KIAA1217: variants seen among roughly 807,000 people sequenced by gnomAD.
KIAA1217 encodes the protein KIAA1217, also known as sickle tail protein homolog.
A neutral mutation model predicts 163.9 loss-of-function variants in KIAA1217; 88 were observed. The ratio of observed to expected loss-of-function variants is 0.54; its 90% CI spans 0.45 to 0.64. The LOEUF (loss-of-function observed/expected upper bound fraction) is 0.64, where lower values mean the gene tolerates loss of function less well. Among genes scored for constraint, KIAA1217 ranks in the 30% least tolerant of loss-of-function variants. KIAA1217 has a pLI of 0.00. For missense variants in KIAA1217, 2,372 were observed against 2,475.0 expected, an observed-to-expected ratio of 0.96 and a Z score of 0.88; for synonymous variants, 903 against 923.1, an observed-to-expected ratio of 0.98 and a Z score of 0.39.
upstream of KIAA1217, among the ~76,000 whole-genome samples, chr10:24,204,342 A>G (rs2067430296): frequency 6.6e-6 from 1 of 152,206 alleles, no homozygotes; most frequent in Non-Finnish European, 1.5e-5. Context: ...CGCAGAAGGG[A>G]AAATTCTGTT....
chr10:24,233,572 T>G (rs2071753697), intron 2 of KIAA1217, among the ~76,000 whole-genome samples: 1 of 152,214 alleles, frequency 6.6e-6, no homozygotes, highest in Admixed American at 6.5e-5. Context: ...GTATTGAATT[T>G]GCAAGTAGTT....
upstream of KIAA1217, among the ~76,000 whole-genome samples, chr10:24,207,298 ACAC>A (rs1392682507): frequency 6.6e-6 from 1 of 151,544 alleles, no homozygotes; most frequent in African/African-American, 2.4e-5. Flanking sequence ...ACACACACAC[ACAC>A]ACACACACAC....
In KIAA1217 at chr10:23,915,357, G is replaced by C. The variant is rs61697412; in HGVS notation, c.-320-91868G>C. 8.3e-3 allele frequency among the ~76,000 whole-genome samples: 1,261 copies of C among 152,186 alleles called. 21 individuals are homozygous for C. The highest frequency in any genetic ancestry group is 0.029 in the African/African-American group (1,204 of 41,474). On this transcript the variant is annotated intron_variant, in intron 1 of 18. Coordinates refer to the KIAA1217 transcript ENST00000376462. Reference sequence around the variant, plus strand: ...GAGTTTACCAGTGAGGGAGATGTGGGGGGGAGGGAAGTCGTGGATGTTTCA... The same window carrying C: ...GAGTTTACCAGTGAGGGAGATGTGGCGGGGAGGGAAGTCGTGGATGTTTCA...
intron 1 of KIAA1217, among the ~76,000 whole-genome samples, chr10:23,775,120 G>A (rs1450965047): frequency 6.6e-6 from 1 of 152,180 alleles, no homozygotes; most frequent in Admixed American, 6.5e-5. Flanking sequence ...GCCTCAGGCA[G>A]TGAGTCCATT....
intron 14 of KIAA1217, 95 bp downstream of exon 14, chr10:24,528,214 A>G (rs2072497963): frequency 1.1e-6 from 1 of 946,924 alleles, no homozygotes; most frequent in Middle Eastern, 3.3e-4. Context: ...CAACAGAACC[A>G]ATGTCTCAGT....
At chr10:23,864,484 T>G (rs1840090929) in intron 1 of KIAA1217, among the ~76,000 whole-genome samples, 1 of 150,578 alleles carries the variant, frequency 6.6e-6, no homozygotes. Flanking sequence ...TAATTTATTC[T>G]AGATTTTTTC....
intron 20 of KIAA1217, chr10:24,545,586 A>G (rs988467430): frequency 2.9e-6 from 4 of 1,372,920 alleles, no homozygotes; most frequent in Non-Finnish European, 3.7e-6. Context: ...AGCTGGAATG[A>G]TGGGACTCCT....
rs990569206 is a variant in KIAA1217 at position 23,702,129 on chromosome 10, T to A, written c.-321+6895T>A. On this transcript the variant is annotated intron_variant, in intron 1 of 18. Transcript: ENST00000376462. ...GGAAAAGTTACTACAGCAGCAAAAA[T>A]GGGGCCAACAACCTTAAAGTGCAGC... Among the ~76,000 whole-genome samples the A allele has an allele frequency of 5.3e-5, 8 of 152,028 alleles. No individual in the cohort carries two copies. The South Asian group carries it at 1.7e-3, about 31-fold the overall frequency.
intron 2 of KIAA1217, among the ~76,000 whole-genome samples, chr10:24,044,025 G>T (rs781774850): frequency 6.6e-6 from 1 of 152,046 alleles, no homozygotes; most frequent in Non-Finnish European, 1.5e-5. Flanking sequence ...ATAATGAGTT[G>T]GGGGATTTTT....
At chr10:24,227,544 T>G (rs1387408577) in intron 2 of KIAA1217, among the ~76,000 whole-genome samples, 1 of 150,686 alleles carries the variant, frequency 6.6e-6, no homozygotes, top group Admixed American at 6.6e-5. Context: ...TTTTTTTTCT[T>G]TTTTTTGAGT....
At chr10:23,746,603 T>G (rs1839431151) in intron 1 of KIAA1217, among the ~76,000 whole-genome samples, 1 of 151,882 alleles carries the variant, frequency 6.6e-6, no homozygotes, top group African/African-American at 2.4e-5. Context: ...TTTTGTATTT[T>G]TAGTAGAGAC....
At chr10:24,452,690 A>T (rs2061476356) in intron 5 of KIAA1217, among the ~76,000 whole-genome samples, 1 of 151,680 alleles carries the variant, frequency 6.6e-6, no homozygotes, top group African/African-American at 2.4e-5. Flanking sequence ...AAAAAAAAAA[A>T]AAAAAAAAAT....
chr10:24,008,471 C>A (rs1342364997), intron 2 of KIAA1217, among the ~76,000 whole-genome samples: 1 of 152,098 alleles, frequency 6.6e-6, no homozygotes, highest in African/African-American at 2.4e-5. Flanking sequence ...ATTCAAGCAA[C>A]CAAAGAGGCT....
At chr10:24,533,655 A>G (rs1175603983) in intron 16 of KIAA1217, among the ~76,000 whole-genome samples, 2 of 152,220 alleles carry the variant, frequency 1.3e-5, no homozygotes, top group Non-Finnish European at 2.9e-5. Flanking sequence ...CTGACCTTGG[A>G]TCATGGACTC....
At chr10:23,743,746 T>C (rs1001539881) in intron 1 of KIAA1217, among the ~76,000 whole-genome samples, 1 of 152,204 alleles carries the variant, frequency 6.6e-6, no homozygotes, top group Non-Finnish European at 1.5e-5. Context: ...ATTGCATTTA[T>C]AAAGAGTGGC....
intron 2 of KIAA1217, among the ~76,000 whole-genome samples, chr10:24,200,651 C>T (rs1169419696): frequency 2.0e-5 from 3 of 152,294 alleles, no homozygotes; most frequent in African/African-American, 7.2e-5. Flanking sequence ...TGTATCCCTT[C>T]GCTATATATT....
chr10:23,732,387 A>C (rs183635899), intron 1 of KIAA1217, among the ~76,000 whole-genome samples: 608 of 152,310 alleles, frequency 4.0e-3, no homozygotes, highest in African/African-American at 0.013. Flanking sequence ...TAATACAACA[A>C]TAAAAAATAG....
At chr10:24,082,277 A>G (rs1324306727) in intron 2 of KIAA1217, among the ~76,000 whole-genome samples, 1 of 151,772 alleles carries the variant, frequency 6.6e-6, no homozygotes, top group Non-Finnish European at 1.5e-5. Context: ...GTACATGTGC[A>G]GGATGTACAG....
intron 1 of KIAA1217, among the ~76,000 whole-genome samples, chr10:23,705,739 T>C (rs1262980552): frequency 6.6e-6 from 1 of 152,168 alleles, no homozygotes; most frequent in African/African-American, 2.4e-5. Flanking sequence ...AGTTTCCACA[T>C]ACATTTTAGG....
Sources: allele counts gnomAD v4.1 joint callset (sites outside exome capture counted in the v4.1 genomes callset), GRCh38; gene constraint gnomAD v4.1.1; transcripts MANE v1.5; gene names NCBI Gene and HGNC (gene_info 2026-07-23, HGNC 2026-07-21).